The following MEOX2 variants were observed in gnomAD, a reference collection of about 807,000 sequenced individuals.
MEOX2 encodes the protein mesenchyme homeobox 2.
A neutral mutation model predicts 27.0 loss-of-function variants in MEOX2; 11 were observed. That is an observed-to-expected ratio of 0.41 (90% CI 0.26 to 0.68). The LOEUF (loss-of-function observed/expected upper bound fraction) is 0.68. Among genes scored for constraint, MEOX2 ranks in the 30% least tolerant of loss-of-function variants. MEOX2 has a pLI of 0.33. For synonymous variants in MEOX2, 189 were observed against 155.4 expected, an observed-to-expected ratio of 1.22 and a Z score of -1.61; for missense variants, 436 against 385.4, an observed-to-expected ratio of 1.13 and a Z score of -1.10.
At chr7:15,635,188 G>C (rs1257685201) in intron 1 of MEOX2, among the ~76,000 whole-genome samples, 1 of 151,856 alleles carries the variant, frequency 6.6e-6, no homozygotes, top group African/African-American at 2.4e-5. Flanking sequence ...TGGCTGAAGG[G>C]CTCACCAATG....
Position 15,612,367 on chromosome 7 carries a change from G to A in MEOX2, c.*20C>T. ...TCACAACATTTCTTTCCTGAGAATG[G>A]AGCTGGTCCTCTGTTTATATCATAA... On this transcript the variant is annotated 3_prime_UTR_variant, in exon 3 of 3. Transcript: ENST00000262041. 1 of 1,594,548 alleles carries A rather than the reference G, an allele frequency of 6.3e-7. No homozygotes were observed.
chr7:15,646,039 C>A (rs1781642980), intron 1 of MEOX2, among the ~76,000 whole-genome samples: 2 of 152,098 alleles, frequency 1.3e-5, no homozygotes, highest in East Asian at 3.9e-4. Flanking sequence ...AGTAGCCACA[C>A]AATAAATGCT....
At chr7:15,615,120 AT>A (rs1280973013) in intron 2 of MEOX2, among the ~76,000 whole-genome samples, 4 of 152,182 alleles carry the variant, frequency 2.6e-5, no homozygotes, top group Admixed American at 1.3e-4. Flanking sequence ...AAACAAAATA[AT>A]CAGTAATTCC....
chr7:15,679,936 A>G (rs1782266106), intron 1 of MEOX2: 1 of 151,926 alleles, frequency 6.6e-6, no homozygotes, highest in Non-Finnish European at 1.5e-5. Flanking sequence ...GTGAAAACCA[A>G]TATTTAAAAA....
intron 1 of MEOX2, among the ~76,000 whole-genome samples, chr7:15,652,972 ATC>A (rs1781756642): frequency 6.6e-6 from 1 of 152,020 alleles, no homozygotes; most frequent in Non-Finnish European, 1.5e-5. Context: ...ACATGTTTTC[ATC>A]TCTCTGAAAT....
At chr7:15,674,566 G>T (rs2115393251) in intron 1 of MEOX2, among the ~76,000 whole-genome samples, 1 of 151,980 alleles carries the variant, frequency 6.6e-6, no homozygotes, top group East Asian at 1.9e-4. Flanking sequence ...CTGTGTGTGT[G>T]TGTGTGTGTG....
chr7:15,627,346 T>G (rs1444816688), intron 1 of MEOX2, among the ~76,000 whole-genome samples: 1 of 152,060 alleles, frequency 6.6e-6, no homozygotes, highest in East Asian at 1.9e-4. Context: ...TTTGAGAAAT[T>G]CAAACGTTTA....
At chr7:15,634,496 T>C (rs968698595) in intron 1 of MEOX2, among the ~76,000 whole-genome samples, 9 of 152,106 alleles carry the variant, frequency 5.9e-5, no homozygotes, top group African/African-American at 2.2e-4. Context: ...TTTTAAAATG[T>C]TTATTGTTGT....
intron 2 of MEOX2, among the ~76,000 whole-genome samples, chr7:15,618,090 G>A (rs192053799): frequency 1.1e-3 from 167 of 152,076 alleles, no homozygotes; most frequent in African/African-American, 3.9e-3. Flanking sequence ...ACATGATAAA[G>A]CAAAGTGGTT....
intron 1 of MEOX2, among the ~76,000 whole-genome samples, chr7:15,660,225 A>G (rs1329361796): frequency 2.0e-5 from 3 of 152,214 alleles, no homozygotes; most frequent in East Asian, 3.9e-4. Flanking sequence ...AGAATGTCCT[A>G]TGGAAAATCA....
At chr7:15,625,688 A>C (rs1256264978) in intron 2 of MEOX2, among the ~76,000 whole-genome samples, 3 of 152,172 alleles carry the variant, frequency 2.0e-5, no homozygotes, top group Non-Finnish European at 4.4e-5. Context: ...TGCACTGTCC[A>C]TAAAGATGTT....
Position 15,640,301 on chromosome 7 carries a change from G to A in MEOX2, c.518-13383C>T, listed in dbSNP as rs1037836206. 4.6e-5 allele frequency among the ~76,000 whole-genome samples: 7 copies of A among 151,622 alleles called. No homozygotes were observed. In the South Asian group the frequency reaches 6.3e-4, roughly 14 times the overall value. On this transcript the variant is annotated intron_variant, in intron 1 of 2. Transcript: ENST00000262041. ...GTGTGTTTCTGGCTACCGTGAAGGA[G>A]ACTGGGTCATTGATTCAGTTCTGAG... is the stretch of plus-strand genomic sequence containing the variant.
In MEOX2 at chr7:15,669,842, T is replaced by C. The variant is rs180910014; in HGVS notation, c.517+16044A>G. ...ACCACGGATTTCTAAAGACTACATC[T>C]ATTGAGAGGCTTTAAAGGTTAATGA... On this transcript the variant is annotated intron_variant, in intron 1 of 2. Coordinates refer to ENST00000262041, the MANE Select transcript of MEOX2 (RefSeq NM_005924.5). Among the ~76,000 whole-genome samples the C allele has an allele frequency of 1.4e-4, 22 of 152,318 alleles. No individual in the cohort carries two copies. In the East Asian group the frequency reaches 3.3e-3, roughly 23 times the overall value.
At chr7:15,665,804 C>A (rs544481913) in intron 1 of MEOX2, among the ~76,000 whole-genome samples, 1 of 152,134 alleles carries the variant, frequency 6.6e-6, no homozygotes, top group African/African-American at 2.4e-5. Context: ...GCTGAAAGCG[C>A]GCAGCTGAAT....
intron 2 of MEOX2, among the ~76,000 whole-genome samples, chr7:15,619,085 T>C (rs764601680): frequency 2.0e-5 from 3 of 152,028 alleles, no homozygotes; most frequent in Non-Finnish European, 4.4e-5. Context: ...CTCTTAGGCC[T>C]GGGTTTATTA....
chr7:15,623,293 A>AT (rs1389287660), intron 2 of MEOX2, among the ~76,000 whole-genome samples: 7 of 152,194 alleles, frequency 4.6e-5, no homozygotes, highest in Admixed American at 1.3e-4. Flanking sequence ...ATCATAGTAT[A>AT]TTTTTTCTGA....
chr7:15,648,010 A>T (rs927687625), intron 1 of MEOX2, among the ~76,000 whole-genome samples: 1 of 152,088 alleles, frequency 6.6e-6, no homozygotes, highest in Non-Finnish European at 1.5e-5. Context: ...GAAGTTGGGG[A>T]ATCTGGCCTT....
intron 1 of MEOX2, among the ~76,000 whole-genome samples, chr7:15,627,713 A>C (rs1186199899): frequency 6.6e-6 from 1 of 151,934 alleles, no homozygotes; most frequent in African/African-American, 2.4e-5. Context: ...TACATAACTA[A>C]CGTATAGAAT....
chr7:15,629,837 C>A (rs1781373968), intron 1 of MEOX2, among the ~76,000 whole-genome samples: 1 of 152,020 alleles, frequency 6.6e-6, no homozygotes, highest in Non-Finnish European at 1.5e-5. Flanking sequence ...CTGCCATTAC[C>A]CAGCTAGACT....
Sources: gnomAD v4.1 joint callset for allele counts (sites outside exome capture counted in the v4.1 genomes callset) on GRCh38, gnomAD v4.1.1 for gene constraint, MANE v1.5 for transcripts, NCBI Gene and HGNC (gene_info 2026-07-23, HGNC 2026-07-21) for gene names.